Variants in AHNAK observed in about 807,000 individuals in gnomAD.
The protein encoded by AHNAK is AHNAK nucleoprotein, also known as neuroblast differentiation-associated protein AHNAK.
A neutral mutation model predicts 37.8 loss-of-function variants in AHNAK; 23 were observed. The ratio of observed to expected loss-of-function variants is 0.61; its 90% CI spans 0.44 to 0.86. The LOEUF (loss-of-function observed/expected upper bound fraction) is 0.86, where lower values mean the gene tolerates loss of function less well. Among genes scored for constraint, AHNAK ranks in the 40% least tolerant of loss-of-function variants. The pLI, the probability that AHNAK is intolerant of heterozygous loss-of-function variation, is 0.00. For missense variants in AHNAK, 7,411 were observed against 7,319.4 expected, an observed-to-expected ratio of 1.01 and a Z score of -0.46; for synonymous variants, 2,481 against 2,636.3, an observed-to-expected ratio of 0.94 and a Z score of 1.80.
At position 62,528,888 on chromosome 11, in the gene AHNAK, A is replaced by G; in HGVS notation, c.5529T>C (p.Phe1843=). 6.2e-7 allele frequency: 1 copy of G among 1,614,032 alleles called. No individual in the cohort carries two copies. The part of the protein sequence containing the change: ...CPDAKLKGPK[F]KMPEMHFKAP... Reference sequence around the variant, plus strand: ...CCTTGAAGTGCATCTCAGGCATCTTAAACTTGGGCCCTTTCAACTTTGCAT... The same window carrying G: ...CCTTGAAGTGCATCTCAGGCATCTTGAACTTGGGCCCTTTCAACTTTGCAT... Residue 1843 remains phenylalanine (F), a synonymous_variant, in exon 5 of 5, where the codon TTT becomes TTC. Coordinates refer to ENST00000378024, the MANE Select transcript of AHNAK (RefSeq NM_001620.3).
rs1207329726 is a variant in AHNAK, at chr11:62,528,969, A to G, written c.5448T>C (p.Asp1816=). The G allele has an allele frequency of 6.2e-7, 1 of 1,614,128 alleles. No individual in the cohort carries two copies. Among genetic ancestry groups the G allele is most frequent in the East Asian group, 2.2e-5 (1 of 44,878 alleles). The change falls in exon 5 of 5, where the codon GAT becomes GAC. Residue 1816 remains aspartate, a synonymous_variant. Transcript: ENST00000378024. ...CCGCTTCCACAAAAGGACCTTTGAC[A>G]TCAACTTGCGGCCCTCTGAGATCAC... is the stretch of plus-strand genomic sequence containing the variant. ...LEGDLRGPQV[D]VKGPFVEAEV...
intron 5 of AHNAK, among the ~76,000 whole-genome samples, chr11:62,488,621 A>G (rs920696117): frequency 7.0e-6 from 1 of 143,868 alleles, no homozygotes; most frequent in African/African-American, 2.7e-5. Flanking sequence ...TGTGTTGGCC[A>G]GGCTGCTCTC....
In AHNAK at chr11:62,521,121, A is replaced by G; in HGVS notation, c.13296T>C (p.Asp4432=). The G allele has an allele frequency of 6.2e-7, 1 of 1,614,026 alleles. No individual in the cohort carries two copies. The highest frequency in any genetic ancestry group is 8.5e-7 in the Non-Finnish European group (1 of 1,180,006). The stretch of plus-strand genomic sequence containing the variant: ...TTCCTTCCGGACCTTCAATATTGAC[A>G]TCAGGTGTGTCAATGTCCAAACTGG... ...KGPSLDIDTP[D]VNIEGPEGKL... Residue 4432 remains aspartate (D), a synonymous_variant, in exon 5 of 5, where the codon GAT becomes GAC. Coordinates refer to ENST00000378024, the MANE Select transcript of AHNAK (RefSeq NM_001620.3).
At chr11:62,485,863 A>G (rs1939380956) in intron 5 of AHNAK, among the ~76,000 whole-genome samples, 1 of 151,468 alleles carries the variant, frequency 6.6e-6, no homozygotes, top group South Asian at 2.1e-4. Context: ...GCTAAAAAAT[A>G]ACAAAAAATT....
intron 5 of AHNAK, among the ~76,000 whole-genome samples, chr11:62,477,915 TG>T (rs920002216): frequency 1.3e-5 from 2 of 151,914 alleles, no homozygotes; most frequent in East Asian, 1.9e-4. Context: ...GCTTAGGGGA[TG>T]GGGGGCCTTC....
Position 62,518,872 on chromosome 11 carries a change from A to G in AHNAK, c.15545T>C (p.Val5182Ala), listed in dbSNP as rs538987901. The change falls in exon 5 of 5, where the codon GTC becomes GCC. Residue 5182 changes from valine (V) to alanine (A), a missense_variant. Val to Ala is a moderately conservative substitution (Grantham distance 64). Coordinates refer to ENST00000378024, the MANE Select transcript of AHNAK (RefSeq NM_001620.3). ...AGAAATGCCGAAGGACGGTGTTTTG[A>G]CTTTAGCATCTAGGCCTTCGATGTT... Reference protein sequence around the residue: ...DINIEGLDAKVKTPSFGISAP... With the variant: ...DINIEGLDAKAKTPSFGISAP... 1 of 1,614,154 alleles carries G rather than the reference A, an allele frequency of 6.2e-7. No individual in the cohort carries two copies. The highest frequency in any genetic ancestry group is 8.5e-7 in the Non-Finnish European group (1 of 1,180,038).
At chr11:62,450,323 A>AT (rs967659509) in intron 5 of AHNAK, among the ~76,000 whole-genome samples, 15 of 150,554 alleles carry the variant, frequency 1.0e-4, no homozygotes, top group East Asian at 2.0e-4. Flanking sequence ...ACGCCCGGCT[A>AT]TTTTTTTTGT....
intron 4 of AHNAK, among the ~76,000 whole-genome samples, chr11:62,500,861 T>G (rs992313220): frequency 6.6e-6 from 1 of 152,214 alleles, no homozygotes; most frequent in African/African-American, 2.4e-5. Context: ...ATGCTCACTA[T>G]CAAGTTTTTT....
chr11:62,517,192 T>C lies in AHNAK; in HGVS notation c.17225A>G (p.Asp5742Gly). 1 of 1,613,972 alleles carries C rather than the reference T, an allele frequency of 6.2e-7. No homozygotes were observed. Among genetic ancestry groups the C allele is most frequent in the Non-Finnish European group, 8.5e-7 (1 of 1,180,028 alleles). ...CAGGCTGGCCTTTGAACTTTTCAGG[T>C]CACCTTTGGACCCAGAAATTGATGC... ...PEASISGSKG[D>G]LKSSKASLGS... Residue 5742 changes from aspartate (D) to glycine (G), a missense_variant, in exon 5 of 5, where the codon GAC becomes GGC. Transcript: ENST00000378024.
In AHNAK at chr11:62,454,421, A is replaced by AG. The variant is rs1565199451; in HGVS notation, c.443-20531_443-20530insC. ...GAGCGAGACTCCATCTCAAAAAAAA[A>AG]AAAAAAAGAAAAGAAAAGAAAAGAA... On this transcript the variant is annotated intron_variant, in intron 5 of 5. Coordinates refer to the AHNAK transcript ENST00000257247. Among the ~76,000 whole-genome samples the AG allele has an allele frequency of 4.6e-5, 7 of 151,168 alleles. No individual in the cohort carries two copies. The South Asian group carries it at 1.0e-3, about 22-fold the overall frequency.
At chr11:62,499,571 G>A (rs1590632150) in intron 4 of AHNAK, among the ~76,000 whole-genome samples, 2 of 152,026 alleles carry the variant, frequency 1.3e-5, no homozygotes, top group African/African-American at 4.8e-5. Context: ...AAAACCAGCC[G>A]CACAAGTTGA....
intron 4 of AHNAK, among the ~76,000 whole-genome samples, chr11:62,505,587 A>T (rs1939795699): frequency 6.6e-6 from 1 of 151,864 alleles, no homozygotes; most frequent in African/African-American, 2.4e-5. Context: ...CCTCGAAGTC[A>T]CCCTTTGGCA....
chr11:62,501,087 T>C lies in AHNAK; in HGVS notation c.343-9256A>G, dbSNP rs938444969. ...AAATCAAAAACACAAAACAAATTAG[T>C]CAGGCGTGGTGGCACTTGGGAGGTT... On this transcript the variant is annotated intron_variant, in intron 4 of 5. Transcript: ENST00000257247. Among the ~76,000 whole-genome samples the C allele has an allele frequency of 4.6e-5, 7 of 151,860 alleles. No homozygotes were observed. The East Asian group carries it at 1.4e-3, about 29-fold the overall frequency.
chr11:62,488,678 C>T (rs1466212232), intron 5 of AHNAK, among the ~76,000 whole-genome samples: 2 of 150,962 alleles, frequency 1.3e-5, no homozygotes, highest in African/African-American at 2.5e-5. Context: ...TCCCAAAGTG[C>T]TGGGATTACA....
At position 62,519,304 on chromosome 11, in the gene AHNAK, T is replaced by C; in HGVS notation, c.15113A>G (p.Lys5038Arg). Reference sequence around the variant, plus strand: ...AACATTCAGGTCAAATCCCTGTTTTTTGGCCTTAATCTTAGGACCACTCAT... The same window carrying C: ...AACATTCAGGTCAAATCCCTGTTTTCTGGCCTTAATCTTAGGACCACTCAT... The part of the protein sequence containing the change: ...IHMSGPKIKA[K>R]KQGFDLNVPG... The change falls in exon 5 of 5, where the codon AAA becomes AGA. Residue 5038 changes from lysine to arginine, a missense_variant. Transcript: ENST00000378024. 1 of 1,614,196 alleles carries C rather than the reference T, an allele frequency of 6.2e-7. No individual in the cohort carries two copies. The highest frequency in any genetic ancestry group is 8.5e-7 in the Non-Finnish European group (1 of 1,180,036).
At chr11:62,449,876 A>G (rs1003979400) in intron 5 of AHNAK, among the ~76,000 whole-genome samples, 104 of 152,284 alleles carry the variant, frequency 6.8e-4, no homozygotes, top group African/African-American at 2.5e-3. Flanking sequence ...AATGCTCAAT[A>G]CTGAAAGGTA....
Position 62,521,923 on chromosome 11 carries a change from A to C in AHNAK, c.12494T>G (p.Ile4165Ser), listed in dbSNP as rs1940261365. 1 of 1,613,114 alleles carries C rather than the reference A, an allele frequency of 6.2e-7. No individual in the cohort carries two copies. Among genetic ancestry groups the C allele is most frequent in the Non-Finnish European group, 8.5e-7 (1 of 1,179,832 alleles). ...ATCAATGTCCACTTTGGGGCCCTTG[A>C]TGTCAACTTCAGGGCCCTTGAGGTC... ...EGDLKGPEVD[I>S]KGPKVDIDVP... Residue 4165 changes from isoleucine to serine, a missense_variant, in exon 5 of 5, where the codon ATC (isoleucine) becomes AGC (serine). By Grantham distance (142) the Ile-to-Ser change is moderately radical. Coordinates refer to ENST00000378024, the MANE Select transcript of AHNAK (RefSeq NM_001620.3).
chr11:62,485,701 CAAAAAAAA>C (rs1286819688), intron 5 of AHNAK, among the ~76,000 whole-genome samples: 2 of 51,948 alleles, frequency 3.9e-5, no homozygotes, highest in Non-Finnish European at 8.5e-5. Flanking sequence ...GACTCCATCT[CAAAAAAAA>C]AAAAAAAAAA....
chr11:62,464,687 C>T (rs1230511932), intron 5 of AHNAK, among the ~76,000 whole-genome samples: 1 of 151,666 alleles, frequency 6.6e-6, no homozygotes, highest in Non-Finnish European at 1.5e-5. Context: ...AAAAATTAGC[C>T]AAGTATGGTG....
Sources: allele counts gnomAD v4.1 joint callset (sites outside exome capture counted in the v4.1 genomes callset), GRCh38; gene constraint gnomAD v4.1.1; transcripts MANE v1.5; gene names NCBI Gene and HGNC (gene_info 2026-07-23, HGNC 2026-07-21).